The following NPHP4 variants were observed in gnomAD, a reference collection of about 807,000 sequenced individuals.
NPHP4 encodes nephrocystin-4.
Under a neutral mutation model 155.8 loss-of-function variants are expected in NPHP4, and 151 were observed. The ratio of observed to expected loss-of-function variants is 0.97; its 90% CI spans 0.85 to 1.11. The LOEUF is 1.11. Among genes scored for constraint, NPHP4 ranks in the 50% least tolerant of loss-of-function variants. The pLI, the probability that NPHP4 is intolerant of heterozygous loss-of-function variation, is 0.00. For missense variants in NPHP4, 1,956 were observed against 1,925.7 expected, an observed-to-expected ratio of 1.02 and a Z score of -0.29; for synonymous variants, 845 against 816.8, an observed-to-expected ratio of 1.03 and a Z score of -0.59.
rs971158630 is a variant in NPHP4 at position 5,865,097 on chromosome 1, C to T, written c.3816+5G>A. ...GGCTCAGAACAGCCCCCAGAGAGGC[C>T]GTACCTTCAGCTCCTGGGGATGAGA... On this transcript the variant is annotated splice_donor_5th_base_variant and intron_variant, in intron 27 of 29. Coordinates refer to ENST00000378156, the MANE Select transcript of NPHP4 (RefSeq NM_015102.5). 33 of 1,613,064 alleles carry T rather than the reference C, an allele frequency of 2.0e-5. No individual in the cohort carries two copies. The highest frequency in any genetic ancestry group is 2.7e-5 in the African/African-American group (2 of 74,932).
At chr1:5,903,905 A>G (rs1644791006) in intron 16 of NPHP4, among the ~76,000 whole-genome samples, 1 of 152,218 alleles carries the variant, frequency 6.6e-6, no homozygotes, top group South Asian at 2.1e-4. Flanking sequence ...GGCGCAGCGG[A>G]GGTGCAGGAG....
intron 5 of NPHP4, among the ~76,000 whole-genome samples, chr1:5,964,056 T>C (rs1359679518): frequency 6.6e-6 from 1 of 152,180 alleles, no homozygotes; most frequent in Non-Finnish European, 1.5e-5. Context: ...GAAACATCAA[T>C]TCCACGAAAC....
chr1:5,969,103 C>G lies in NPHP4; in HGVS notation c.436G>C (p.Ala146Pro). The change falls in exon 4 of 30, where the codon GCT becomes CCT. Residue 146 changes from alanine to proline, a missense_variant. Ala to Pro is a conservative substitution (Grantham distance 27). Coordinates refer to ENST00000378156, the MANE Select transcript of NPHP4 (RefSeq NM_015102.5). ...FSNQPDSPIS[A>P]SQDKRLRLYH... ...GGCAGGTACCTTTTGTCCTGGGAAGCAGAGATAGGAGAGTCCGGCTGGTTG... is the reference window on the plus strand; with the variant it reads ...GGCAGGTACCTTTTGTCCTGGGAAGGAGAGATAGGAGAGTCCGGCTGGTTG... The G allele has an allele frequency of 6.5e-7, 1 of 1,549,892 alleles. No individual in the cohort carries two copies. Among genetic ancestry groups the G allele is most frequent in the Non-Finnish European group, 8.7e-7 (1 of 1,145,700 alleles).
At chr1:5,875,480 C>T (rs1474140600) in intron 20 of NPHP4, among the ~76,000 whole-genome samples, 1 of 152,220 alleles carries the variant, frequency 6.6e-6, no homozygotes, top group Non-Finnish European at 1.5e-5. Flanking sequence ...AGGTCCCCAA[C>T]ACAACTTTGG....
chr1:5,961,738 C>A (rs981089108), intron 6 of NPHP4, 56 bp downstream of exon 6: 3 of 1,551,748 alleles, frequency 1.9e-6, no homozygotes, highest in Admixed American at 1.8e-5. Context: ...CAAGGTTTCA[C>A]TGTGAACTAG....
At chr1:5,933,547 C>G (rs1291671822) in intron 9 of NPHP4, among the ~76,000 whole-genome samples, 1 of 152,102 alleles carries the variant, frequency 6.6e-6, no homozygotes, top group Non-Finnish European at 1.5e-5. Flanking sequence ...GTTACATGAC[C>G]CCACCGACCC....
At chr1:5,908,776 G>A (rs770067917) in intron 12 of NPHP4, among the ~76,000 whole-genome samples, 6 of 152,246 alleles carry the variant, frequency 3.9e-5, no homozygotes, top group Non-Finnish European at 7.3e-5. Flanking sequence ...GCCAGGCACC[G>A]CTACTGGTGG....
chr1:5,937,051 G>A (rs1053891834), intron 9 of NPHP4, among the ~76,000 whole-genome samples: 7 of 152,194 alleles, frequency 4.6e-5, no homozygotes, highest in Non-Finnish European at 7.3e-5. Context: ...GGACAGCTAG[G>A]AGCCCCAAAA....
chr1:5,923,960 A>G (rs1645872270), intron 11 of NPHP4, among the ~76,000 whole-genome samples: 2 of 152,364 alleles, frequency 1.3e-5, no homozygotes, highest in Middle Eastern at 3.4e-3. Flanking sequence ...GCAAGCCAGG[A>G]TATTAAAGTA....
intron 11 of NPHP4, among the ~76,000 whole-genome samples, chr1:5,914,174 C>T (rs1645334635): frequency 7.0e-6 from 1 of 142,044 alleles, no homozygotes; most frequent in South Asian, 2.3e-4. Context: ...AATCCCAGCA[C>T]TTTGGGAGGC....
intron 12 of NPHP4, 128 bp downstream of exon 12, chr1:5,909,024 G>A (rs1031945796): frequency 1.5e-5 from 12 of 799,244 alleles, no homozygotes; most frequent in African/African-American, 3.4e-5. Context: ...CCCCGCCGCC[G>A]CCAGCAGGCC....
rs972813124 is a variant in NPHP4 at position 5,971,184 on chromosome 1, T to G, written c.280-1925A>C. Among the ~76,000 whole-genome samples, 3 of 152,232 alleles carry G rather than the reference T, an allele frequency of 2.0e-5. No homozygotes were observed. In the East Asian group the frequency reaches 5.8e-4, roughly 29 times the overall value. On this transcript the variant is annotated intron_variant, in intron 3 of 29. Coordinates refer to ENST00000378156, the MANE Select transcript of NPHP4 (RefSeq NM_015102.5). The stretch of plus-strand genomic sequence containing the variant: ...CGGGTGGAACCTGCCGCTACGGGCA[T>G]GTCCCAAATACAAGTTTATGGCTAT...
intron 18 of NPHP4, among the ~76,000 whole-genome samples, chr1:5,883,183 G>A (rs1050306737): frequency 4.6e-5 from 7 of 152,184 alleles, no homozygotes; most frequent in South Asian, 2.1e-4. Context: ...AGGCTGGGGC[G>A]AGGAAGGGAC....
At chr1:5,898,042 C>A (rs1366302954) in intron 16 of NPHP4, among the ~76,000 whole-genome samples, 1 of 152,184 alleles carries the variant, frequency 6.6e-6, no homozygotes, top group Non-Finnish European at 1.5e-5. Flanking sequence ...TGCTAGGTGG[C>A]CCGGAGCAGG....
At chr1:5,984,618 T>C (rs1040191678) in intron 2 of NPHP4, among the ~76,000 whole-genome samples, 2 of 152,228 alleles carry the variant, frequency 1.3e-5, no homozygotes, top group African/African-American at 4.8e-5. Flanking sequence ...TAGGTATATT[T>C]ACTTGTATTT....
Position 5,986,292 on chromosome 1 carries a change from T to A in NPHP4, c.-3A>T, listed in dbSNP as rs1655479838. On this transcript the variant is annotated 5_prime_UTR_variant, in exon 2 of 30. Transcript: ENST00000378156. ...AAGATCCTGTGCCAGTCGTTCATCC[T>A]GCCCGCCTGAGGGTCCCGTGGGCTT... 1 of 1,613,376 alleles carries A rather than the reference T, an allele frequency of 6.2e-7. No individual in the cohort carries two copies.
chr1:5,878,883 G>A (rs1263021299), intron 19 of NPHP4, among the ~76,000 whole-genome samples: 1 of 152,220 alleles, frequency 6.6e-6, no homozygotes, highest in Non-Finnish European at 1.5e-5. Context: ...AGCTGAGGAT[G>A]AAGGGCACTG....
intron 16 of NPHP4, among the ~76,000 whole-genome samples, chr1:5,902,273 T>C (rs1311751227): frequency 2.6e-5 from 4 of 152,242 alleles, no homozygotes; most frequent in Admixed American, 2.6e-4. Flanking sequence ...CTTCCAGGCA[T>C]GCAGAGAGGC....
chr1:5,934,037 TAA>T (rs955030482), intron 9 of NPHP4, among the ~76,000 whole-genome samples: 1 of 152,118 alleles, frequency 6.6e-6, no homozygotes, highest in Non-Finnish European at 1.5e-5. Flanking sequence ...CTTGACTGAG[TAA>T]AGAGTTTTAA....
Sources: allele counts gnomAD v4.1 joint callset (sites outside exome capture counted in the v4.1 genomes callset), GRCh38; gene constraint gnomAD v4.1.1; transcripts MANE v1.5; gene names NCBI Gene and HGNC (gene_info 2026-07-23, HGNC 2026-07-21).